GAB2: variants seen among roughly 807,000 people sequenced by gnomAD.
The protein encoded by GAB2 is GRB2-associated-binding protein 2.
A neutral mutation model predicts 65.5 loss-of-function variants in GAB2; 26 were observed. That is an observed-to-expected ratio of 0.40 (90% CI 0.29 to 0.55). The LOEUF (loss-of-function observed/expected upper bound fraction) is 0.55. Ranked by LOEUF, GAB2 falls within the 20% of genes least tolerant of loss-of-function variation. GAB2 has a pLI of 0.53. For synonymous variants in GAB2, 321 were observed against 329.6 expected (o/e 0.97, Z 0.28); for missense variants, 884 against 875.8 (o/e 1.01, Z -0.12).
At chr11:78,272,175 T>C (rs1486071364) in intron 2 of GAB2, among the ~76,000 whole-genome samples, 1 of 152,102 alleles carries the variant, frequency 6.6e-6, no homozygotes, top group Non-Finnish European at 1.5e-5. Flanking sequence ...ATACAGAAAA[T>C]TGGTAGCAGT....
chr11:78,338,666 C>A (rs1276375432), intron 1 of GAB2, among the ~76,000 whole-genome samples: 1 of 152,122 alleles, frequency 6.6e-6, no homozygotes, highest in South Asian at 2.1e-4. Context: ...TTAACCAATA[C>A]ACTAACAAGG....
At chr11:78,331,888 C>T (rs1230168349) in intron 1 of GAB2, among the ~76,000 whole-genome samples, 1 of 152,122 alleles carries the variant, frequency 6.6e-6, no homozygotes, top group Admixed American at 6.5e-5. Flanking sequence ...GCCCAGAGGA[C>T]ACCATCCGGA....
intron 1 of GAB2, among the ~76,000 whole-genome samples, chr11:78,323,861 C>T (rs1157038163): frequency 6.8e-6 from 1 of 146,856 alleles, no homozygotes; most frequent in Non-Finnish European, 1.5e-5. Flanking sequence ...GCACTGGCAC[C>T]ATCTCAGCTC....
chr11:78,414,973 G>A (rs1029471221), intron 1 of GAB2, among the ~76,000 whole-genome samples: 4 of 152,108 alleles, frequency 2.6e-5, no homozygotes, highest in East Asian at 1.9e-4. Context: ...CCGGGCTCAC[G>A]CGATTCTCAT....
chr11:78,261,575 C>T (rs1331294460), intron 2 of GAB2, among the ~76,000 whole-genome samples: 1 of 152,138 alleles, frequency 6.6e-6, no homozygotes, highest in Non-Finnish European at 1.5e-5. Context: ...CCTATCGTAC[C>T]CCTTAGCTGC....
intron 1 of GAB2, among the ~76,000 whole-genome samples, chr11:78,379,662 G>A (rs1856673426): frequency 6.6e-6 from 1 of 152,200 alleles, no homozygotes; most frequent in Non-Finnish European, 1.5e-5. Context: ...TGTTGAGAGT[G>A]TCTTACAGTT....
intron 2 of GAB2, among the ~76,000 whole-genome samples, chr11:78,264,025 A>G (rs886107671): frequency 1.3e-5 from 2 of 152,156 alleles, no homozygotes; most frequent in Admixed American, 6.5e-5. Flanking sequence ...TATCTCCACA[A>G]AATTCTCTAA....
At chr11:78,314,152 T>A (rs116431544) in intron 1 of GAB2, among the ~76,000 whole-genome samples, 2,274 of 152,322 alleles carry the variant, frequency 0.015, 64 homozygotes, top group African/African-American at 0.052. Context: ...CATGAGGTGC[T>A]TGACATAGGG....
At chr11:78,312,493 T>A (rs1855521249) in intron 1 of GAB2, among the ~76,000 whole-genome samples, 1 of 152,258 alleles carries the variant, frequency 6.6e-6, no homozygotes, top group Admixed American at 6.5e-5. Flanking sequence ...TGGCACGATC[T>A]CAGCTCAGTG....
intron 1 of GAB2, among the ~76,000 whole-genome samples, chr11:78,328,359 T>C (rs1487624426): frequency 2.0e-5 from 3 of 152,182 alleles, no homozygotes; most frequent in Non-Finnish European, 2.9e-5. Context: ...AAAGACATTA[T>C]GTGTAAGACA....
intron 1 of GAB2, among the ~76,000 whole-genome samples, chr11:78,370,697 TTGTATGTGTGTGTGCGTGTGTGTG>T (rs1370863986): frequency 1.2e-4 from 17 of 141,428 alleles, no homozygotes; most frequent in African/African-American, 4.8e-4. Flanking sequence ...ACTACTAATA[TTGTATGTGTGTGTGCGTGTGTGTG>T]TGTATGTGTG....
At chr11:78,324,698 C>T (rs998282426) in intron 1 of GAB2, 1 of 152,154 alleles carries the variant, frequency 6.6e-6, no homozygotes, top group African/African-American at 2.4e-5. Context: ...AATCCTTATT[C>T]CCATTTTCCA....
chr11:78,274,500 G>A (rs1268277590), intron 2 of GAB2, among the ~76,000 whole-genome samples: 2 of 152,146 alleles, frequency 1.3e-5, no homozygotes, highest in African/African-American at 4.8e-5. Context: ...ATGTCTGTCT[G>A]GATGCATCCA....
chr11:78,239,231 AT>A (rs991877552), intron 3 of GAB2, among the ~76,000 whole-genome samples: 1 of 151,944 alleles, frequency 6.6e-6, no homozygotes, highest in Non-Finnish European at 1.5e-5. Flanking sequence ...AATTTTATGT[AT>A]TTTTTTGAGA....
chr11:78,283,443 A>C (rs57738705), intron 1 of GAB2, among the ~76,000 whole-genome samples: 2 of 152,074 alleles, frequency 1.3e-5, no homozygotes, highest in African/African-American at 4.8e-5. Context: ...GAAAAAATTA[A>C]AAGTTTGACT....
Position 78,381,212 on chromosome 11 carries a change from T to A in GAB2, c.75+36434A>T, listed in dbSNP as rs114590372. Among the ~76,000 whole-genome samples the A allele has an allele frequency of 9.2e-3, 1,403 of 152,332 alleles. 23 individuals are homozygous for A. Among genetic ancestry groups the A allele is most frequent in the African/African-American group, 0.032 (1,332 of 41,572 alleles). Reference sequence around the variant, plus strand: ...TCCACTGAAAATGTCCCATCTCCCATCCATCTCATTTACTAGAAGGTGGTC... The same window carrying A: ...TCCACTGAAAATGTCCCATCTCCCAACCATCTCATTTACTAGAAGGTGGTC... On this transcript the variant is annotated intron_variant, in intron 1 of 9. Coordinates refer to ENST00000361507, the MANE Select transcript of GAB2 (RefSeq NM_080491.3).
chr11:78,250,209 G>T lies in GAB2; in HGVS notation c.568C>A (p.Gln190Lys), dbSNP rs1565125911. The T allele has an allele frequency of 6.2e-7, 1 of 1,613,360 alleles. No homozygotes were observed. ...CACTGGTGCAAGTAGAGATACTCCT[G>T]AGGTGCGCTGGTGGACAAGGTGGGC... ...MQPTLSTSAP[Q>K]EYLYLHQCIS... The change falls in exon 3 of 10, where the codon CAG becomes AAG. Residue 190 changes from glutamine (Q) to lysine (K), a missense_variant. Coordinates refer to ENST00000361507, the MANE Select transcript of GAB2 (RefSeq NM_080491.3).
chr11:78,414,948 T>G (rs958280170), intron 1 of GAB2, among the ~76,000 whole-genome samples: 3 of 152,088 alleles, frequency 2.0e-5, no homozygotes, highest in Non-Finnish European at 4.4e-5. Context: ...CTCGGCTCAC[T>G]GCAACCTCAG....
chr11:78,284,515 C>A, intron 1 of GAB2, among the ~76,000 whole-genome samples: 1 of 152,216 alleles, frequency 6.6e-6, no homozygotes, highest in East Asian at 1.9e-4. Flanking sequence ...TCTGCTCTGG[C>A]CACGTGGCCT....
Sources: allele counts gnomAD v4.1 joint callset (sites outside exome capture counted in the v4.1 genomes callset), GRCh38; gene constraint gnomAD v4.1.1; transcripts MANE v1.5; gene names NCBI Gene and HGNC (gene_info 2026-07-23, HGNC 2026-07-21).